Variants in ASCC1 observed in about 807,000 individuals in gnomAD.
ASCC1 encodes ASC-1 complex subunit P50.
ASCC1 carries 35 observed loss-of-function variants against 46.6 expected under a neutral mutation model. The observed-to-expected ratio is 0.75, with a 90% CI of 0.57 to 0.99. The LOEUF (loss-of-function observed/expected upper bound fraction) is 0.99. Ranked by LOEUF, ASCC1 falls within the 50% of genes least tolerant of loss-of-function variation. The pLI is 0.00. For synonymous variants in ASCC1, 143 were observed against 146.6 expected (o/e 0.98, Z 0.18); for missense variants, 376 against 428.7 (o/e 0.88, Z 1.09).
intron 8 of ASCC1, among the ~76,000 whole-genome samples, chr10:72,129,976 C>CAAAA (rs34426096): frequency 1.6e-5 from 1 of 64,326 alleles, no homozygotes; most frequent in Non-Finnish European, 2.7e-5. Flanking sequence ...GACCTTGTCT[C>CAAAA]AAAAAAAAAA....
intron 5 of ASCC1, chr10:72,189,834 C>T: frequency 2.8e-6 from 1 of 359,060 alleles, no homozygotes; most frequent in Admixed American, 4.3e-5. Context: ...GAACCAAAGA[C>T]ATGAACCATT....
chr10:72,162,055 C>CTA lies in ASCC1; in HGVS notation c.490-383_490-382dup, dbSNP rs1256523574. 2.0e-5 allele frequency among the ~76,000 whole-genome samples: 3 copies of CTA among 151,712 alleles called. No individual in the cohort carries two copies. In the South Asian group the frequency reaches 6.3e-4, roughly 32 times the overall value. On this transcript the variant is annotated intron_variant, in intron 5 of 9. Coordinates refer to ENST00000672957, the MANE Select transcript of ASCC1 (RefSeq NM_001198800.3). ...CACTATCAGGAAAGTGAAAAGAAGC[C>CTA]TACAGAATGGCAGAAATATTTGCAA... is the stretch of plus-strand genomic sequence containing the variant.
At chr10:72,212,970 C>A (rs982673395) in intron 2 of ASCC1, among the ~76,000 whole-genome samples, 5 of 152,008 alleles carry the variant, frequency 3.3e-5, no homozygotes, top group Non-Finnish European at 7.4e-5. Context: ...AACCTCTGTA[C>A]AAAGAAGAAA....
At chr10:72,158,489 C>T (rs1020995275) in intron 6 of ASCC1, among the ~76,000 whole-genome samples, 4 of 152,178 alleles carry the variant, frequency 2.6e-5, no homozygotes, top group African/African-American at 9.7e-5. Context: ...AGGGACACAG[C>T]CGGAGCTTCC....
intron 5 of ASCC1, among the ~76,000 whole-genome samples, chr10:72,167,348 G>A (rs139233465): frequency 1.3e-5 from 2 of 152,282 alleles, no homozygotes; most frequent in African/African-American, 4.8e-5. Context: ...AAAGAAGCCA[G>A]ATGCAAAAGA....
chr10:72,210,654 A>G, intron 3 of ASCC1, 78 bp downstream of exon 3: 1 of 1,131,738 alleles, frequency 8.8e-7, no homozygotes, highest in East Asian at 2.4e-5. Context: ...TGCAATAAGT[A>G]TGGAAGACCA....
At chr10:72,168,707 G>T (rs989558381) in intron 5 of ASCC1, among the ~76,000 whole-genome samples, 3 of 152,132 alleles carry the variant, frequency 2.0e-5, no homozygotes, top group African/African-American at 7.2e-5. Flanking sequence ...CAACAGGACT[G>T]GTGTCTTTAT....
At chr10:72,195,761 G>A (rs746298471) in intron 5 of ASCC1, among the ~76,000 whole-genome samples, 1 of 151,180 alleles carries the variant, frequency 6.6e-6, no homozygotes, top group East Asian at 1.9e-4. Context: ...TTGAACCCGG[G>A]ATGCAGAGGT....
At chr10:72,121,248 A>G (rs187762293) in intron 9 of ASCC1, among the ~76,000 whole-genome samples, 263 of 152,258 alleles carry the variant, frequency 1.7e-3, no homozygotes, top group African/African-American at 6.1e-3. Context: ...GGCACAAGCG[A>G]TCCTCCCACC....
chr10:72,149,753 C>A (rs183070503), intron 7 of ASCC1, among the ~76,000 whole-genome samples: 4 of 152,270 alleles, frequency 2.6e-5, no homozygotes, highest in African/African-American at 9.6e-5. Flanking sequence ...AGTAAATGAT[C>A]CAGATATCAA....
intron 5 of ASCC1, among the ~76,000 whole-genome samples, chr10:72,182,815 GAA>G (rs764472124): frequency 2.4e-5 from 3 of 126,746 alleles, no homozygotes. Flanking sequence ...GTCTCTAAAA[GAA>G]AAAAAAAAAA....
chr10:72,113,217 G>A (rs1166759606), intron 9 of ASCC1, among the ~76,000 whole-genome samples: 1 of 152,152 alleles, frequency 6.6e-6, no homozygotes, highest in Non-Finnish European at 1.5e-5. Context: ...GAAAGGTAAT[G>A]CTAACCTCTT....
chr10:72,122,411 C>T (rs543172890), intron 9 of ASCC1, among the ~76,000 whole-genome samples: 5 of 136,074 alleles, frequency 3.7e-5, no homozygotes, highest in Middle Eastern at 5.3e-3. Flanking sequence ...CAGAACCAGA[C>T]GCAGTCTCAA....
At chr10:72,181,665 T>G (rs1852640776) in intron 5 of ASCC1, among the ~76,000 whole-genome samples, 2 of 151,934 alleles carry the variant, frequency 1.3e-5, no homozygotes, top group Admixed American at 1.3e-4. Context: ...GGACAGAATC[T>G]CAGTAACTTG....
At chr10:72,128,240 A>G (rs1281592925) in intron 8 of ASCC1, 73 bp from the exon 9 acceptor site, 7 of 1,383,666 alleles carry the variant, frequency 5.1e-6, no homozygotes, top group East Asian at 2.3e-5. Flanking sequence ...CTATAGGTAC[A>G]TAGGTACGAC....
chr10:72,147,317 G>A (rs983565815), intron 7 of ASCC1, among the ~76,000 whole-genome samples: 7 of 152,048 alleles, frequency 4.6e-5, no homozygotes, highest in African/African-American at 7.2e-5. Context: ...GCTGTGTCAC[G>A]ATCTTGGCTC....
At position 72,120,640 on chromosome 10, in the gene ASCC1, G is replaced by T. The variant is rs1364282326; in HGVS notation, c.957+7442C>A. Among the ~76,000 whole-genome samples, 5 of 150,106 alleles carry T rather than the reference G, an allele frequency of 3.3e-5. No individual in the cohort carries two copies. In the East Asian group the frequency reaches 9.7e-4, roughly 29 times the overall value. ...CTAGGCATATCATAGTCACACTTCTGAAAACCAAAGATAAAGAAAAAATCG... is the reference window on the plus strand; with the variant it reads ...CTAGGCATATCATAGTCACACTTCTTAAAACCAAAGATAAAGAAAAAATCG... On this transcript the variant is annotated intron_variant, in intron 9 of 9. Transcript: ENST00000672957.
chr10:72,190,600 A>T, intron 5 of ASCC1: 1 of 1,128,954 alleles, frequency 8.9e-7, no homozygotes, highest in Non-Finnish European at 1.2e-6. Flanking sequence ...TGTAAAATTC[A>T]TACCTAATAA....
At chr10:72,205,222 T>C (rs1278522814) in intron 3 of ASCC1, among the ~76,000 whole-genome samples, 1 of 152,016 alleles carries the variant, frequency 6.6e-6, no homozygotes, top group Non-Finnish European at 1.5e-5. Flanking sequence ...TGTAATCCCA[T>C]AATTTGGGAG....
Sources: gnomAD v4.1 joint callset for allele counts (sites outside exome capture counted in the v4.1 genomes callset) on GRCh38, gnomAD v4.1.1 for gene constraint, MANE v1.5 for transcripts, NCBI Gene and HGNC (gene_info 2026-07-23, HGNC 2026-07-21) for gene names.